DDHD1: variants seen among roughly 807,000 people sequenced by gnomAD.
DDHD1 encodes the protein phospholipase DDHD1.
Under a neutral mutation model 96.4 loss-of-function variants are expected in DDHD1, and 49 were observed. That is an observed-to-expected ratio of 0.51 (90% CI 0.40 to 0.64). The LOEUF is 0.64. DDHD1 is among the 30% of genes least tolerant of loss of function. DDHD1 has a pLI of 0.00. For synonymous variants in DDHD1, 442 were observed against 446.5 expected, an observed-to-expected ratio of 0.99 and a Z score of 0.13; for missense variants, 1,106 against 1,161.2, an observed-to-expected ratio of 0.95 and a Z score of 0.69.
chr14:53,103,287 AT>A (rs546730373), intron 2 of DDHD1: 3,602 of 363,828 alleles, frequency 9.9e-3, no homozygotes, highest in East Asian at 0.014. Context: ...ATAATTAAAG[AT>A]TTTTTTTTTG....
chr14:53,144,124 T>C (rs1427489943), intron 1 of DDHD1, among the ~76,000 whole-genome samples: 2 of 152,214 alleles, frequency 1.3e-5, no homozygotes, highest in Non-Finnish European at 2.9e-5. Flanking sequence ...TAATGTAGTT[T>C]ACACAAAATA....
At chr14:53,075,646 T>C (rs1884891750) in intron 4 of DDHD1, among the ~76,000 whole-genome samples, 1 of 152,166 alleles carries the variant, frequency 6.6e-6, no homozygotes, top group African/African-American at 2.4e-5. Context: ...ATTCTCAATG[T>C]AGACAAAAAA....
chr14:53,072,738 T>C (rs763634260), intron 5 of DDHD1, 35 bp from the exon 6 acceptor site: 3 of 1,468,306 alleles, frequency 2.0e-6, no homozygotes, highest in Non-Finnish European at 1.9e-6. Flanking sequence ...AGTTAACTTA[T>C]AGAAAGTCTC....
chr14:53,064,554 T>TA (rs995156256), intron 6 of DDHD1, among the ~76,000 whole-genome samples: 13 of 152,030 alleles, frequency 8.6e-5, no homozygotes, highest in Non-Finnish European at 1.3e-4. Context: ...CATATATGGG[T>TA]AAAAAAACAA....
At chr14:53,101,881 T>C (rs1245959281) in intron 2 of DDHD1, among the ~76,000 whole-genome samples, 2 of 151,972 alleles carry the variant, frequency 1.3e-5, no homozygotes, top group Non-Finnish European at 2.9e-5. Flanking sequence ...GAAACAGAGC[T>C]GATTATTAAT....
chr14:53,127,864 C>T (rs1277097336), intron 1 of DDHD1, among the ~76,000 whole-genome samples: 2 of 152,130 alleles, frequency 1.3e-5, no homozygotes, highest in Non-Finnish European at 2.9e-5. Flanking sequence ...GTTGTATGAA[C>T]CAAGACAGAA....
At chr14:53,113,764 C>T (rs1888324218) in intron 1 of DDHD1, among the ~76,000 whole-genome samples, 1 of 152,166 alleles carries the variant, frequency 6.6e-6, no homozygotes. Context: ...GTGCCTACAC[C>T]ACCAGGACCC....
intron 1 of DDHD1, among the ~76,000 whole-genome samples, chr14:53,127,900 G>A (rs1334208137): frequency 6.6e-6 from 1 of 152,140 alleles, no homozygotes; most frequent in Non-Finnish European, 1.5e-5. Flanking sequence ...GACATGGTTT[G>A]GCCATGTCCC....
intron 12 of DDHD1, chr14:53,049,155 C>A (rs1160116039): frequency 6.6e-6 from 1 of 152,192 alleles, no homozygotes; most frequent in Non-Finnish European, 1.5e-5. Flanking sequence ...TGTTAAATTT[C>A]ATTCTTGTCC....
chr14:53,076,534 T>C (rs1438635658), intron 4 of DDHD1, among the ~76,000 whole-genome samples: 1 of 152,198 alleles, frequency 6.6e-6, no homozygotes, highest in Non-Finnish European at 1.5e-5. Flanking sequence ...ATTCAGAATA[T>C]GCCATAAACT....
At chr14:53,138,462 G>C (rs1447796463) in intron 1 of DDHD1, among the ~76,000 whole-genome samples, 2 of 152,176 alleles carry the variant, frequency 1.3e-5, no homozygotes, top group Non-Finnish European at 2.9e-5. Context: ...TTGTATTTTG[G>C]TGTTTATAAT....
intron 1 of DDHD1, among the ~76,000 whole-genome samples, chr14:53,143,133 C>T (rs1595265600): frequency 6.6e-6 from 1 of 152,152 alleles, no homozygotes; most frequent in Non-Finnish European, 1.5e-5. Context: ...AACTAAGACA[C>T]AGGGAATTTC....
At chr14:53,144,996 A>T (rs1364106667) in intron 1 of DDHD1, among the ~76,000 whole-genome samples, 7 of 151,982 alleles carry the variant, frequency 4.6e-5, no homozygotes, top group Non-Finnish European at 8.8e-5. Flanking sequence ...CTAAAAATAT[A>T]AAACTTAGCC....
intron 6 of DDHD1, among the ~76,000 whole-genome samples, chr14:53,068,703 C>G (rs1394231369): frequency 1.3e-5 from 2 of 152,200 alleles, no homozygotes; most frequent in Non-Finnish European, 2.9e-5. Context: ...TAATGTCCAT[C>G]TGCTCCTCAG....
intron 2 of DDHD1, among the ~76,000 whole-genome samples, chr14:53,101,213 C>T (rs915113527): frequency 6.6e-6 from 1 of 152,094 alleles, no homozygotes. Flanking sequence ...TTTGTAGTTA[C>T]AAATTTGAAT....
At chr14:53,118,068 G>GA (rs1408431301) in intron 1 of DDHD1, among the ~76,000 whole-genome samples, 8 of 152,284 alleles carry the variant, frequency 5.3e-5, no homozygotes, top group Admixed American at 4.6e-4. Context: ...GCAGCTGAGG[G>GA]ACCTGACTGT....
intron 4 of DDHD1, among the ~76,000 whole-genome samples, chr14:53,078,402 T>C (rs906672661): frequency 6.6e-6 from 1 of 152,222 alleles, no homozygotes; most frequent in Non-Finnish European, 1.5e-5. Context: ...CCTGGATTTA[T>C]TGGCCATTTG....
chr14:53,146,333 A>C (rs1004168191), intron 1 of DDHD1, among the ~76,000 whole-genome samples: 2 of 151,124 alleles, frequency 1.3e-5, no homozygotes, highest in Non-Finnish European at 2.9e-5. Context: ...GTGAAACTCC[A>C]TATCTACTAA....
chr14:53,092,404 A>G (rs191994408), intron 3 of DDHD1: 1 of 152,286 alleles, frequency 6.6e-6, no homozygotes, highest in East Asian at 1.9e-4. Flanking sequence ...TTCAAAGCAC[A>G]CTTATTGATG....
Sources: gnomAD v4.1 joint callset for allele counts (sites outside exome capture counted in the v4.1 genomes callset) on GRCh38, gnomAD v4.1.1 for gene constraint, MANE v1.5 for transcripts, NCBI Gene and HGNC (gene_info 2026-07-23, HGNC 2026-07-21) for gene names.